Variants in PI4KA observed in about 807,000 individuals in gnomAD.
PI4KA encodes phosphatidylinositol 4-kinase alpha.
A neutral mutation model predicts 271.4 loss-of-function variants in PI4KA; 122 were observed. That is an observed-to-expected ratio of 0.45 (90% CI 0.39 to 0.52). The LOEUF (loss-of-function observed/expected upper bound fraction) is 0.52, where lower values mean the gene tolerates loss of function less well. PI4KA is among the 20% of genes least tolerant of loss of function. The pLI, the probability that PI4KA is intolerant of heterozygous loss-of-function variation, is 0.00. For synonymous variants in PI4KA, 1,041 were observed against 1,078.8 expected (o/e 0.96, Z 0.69); for missense variants, 1,969 against 2,769.1 (o/e 0.71, Z 6.48).
intron 19 of PI4KA, among the ~76,000 whole-genome samples, chr22:20,775,291 A>T (rs1183105122): frequency 6.6e-6 from 1 of 152,248 alleles, no homozygotes; most frequent in African/African-American, 2.4e-5. Flanking sequence ...ACCTAGTGAT[A>T]GTTTTTAAAC....
chr22:20,741,204 T>C (rs1313567844), intron 32 of PI4KA, among the ~76,000 whole-genome samples: 2 of 152,222 alleles, frequency 1.3e-5, no homozygotes, highest in African/African-American at 4.8e-5. Context: ...GGTATACAGC[T>C]GTCTCTGCAG....
At chr22:20,772,361 T>C (rs1932913571) in intron 19 of PI4KA, among the ~76,000 whole-genome samples, 1 of 152,164 alleles carries the variant, frequency 6.6e-6, no homozygotes, top group Non-Finnish European at 1.5e-5. Context: ...GGGCTTTGCA[T>C]GTGTGAGAAC....
At chr22:20,819,381 G>C (rs1922291607) in intron 6 of PI4KA, among the ~76,000 whole-genome samples, 1 of 150,584 alleles carries the variant, frequency 6.6e-6, no homozygotes, top group Non-Finnish European at 1.5e-5. Flanking sequence ...ATGGCGATAA[G>C]GCTTTTTTTT....
chr22:20,820,303 TG>T (rs1922472949), intron 5 of PI4KA, among the ~76,000 whole-genome samples: 1 of 152,116 alleles, frequency 6.6e-6, no homozygotes, highest in Admixed American at 6.5e-5. Context: ...GTGAAGAAAC[TG>T]GGGCCCAGAA....
At chr22:20,852,999 G>T (rs922251140) in intron 1 of PI4KA, among the ~76,000 whole-genome samples, 1 of 152,124 alleles carries the variant, frequency 6.6e-6, no homozygotes, top group Non-Finnish European at 1.5e-5. Flanking sequence ...CACTTTGGGC[G>T]GCCAAGAAAA....
At chr22:20,807,480 AT>A (rs1429756861) in intron 9 of PI4KA, 22 bp from the exon 10 acceptor site, 14 of 1,416,916 alleles carry the variant, frequency 9.9e-6, no homozygotes, top group Non-Finnish European at 1.2e-5. Flanking sequence ...GCAGACACAC[AT>A]GACTATAGAA....
At chr22:20,720,025 CAAAAAAAAAAAA>C (rs869149471) in intron 43 of PI4KA, among the ~76,000 whole-genome samples, 1 of 35,386 alleles carries the variant, frequency 2.8e-5, no homozygotes, top group Non-Finnish European at 5.8e-5. Context: ...GACTCTGTCT[CAAAAAAAAAAAA>C]AAAAAAAAAA....
intron 23 of PI4KA, among the ~76,000 whole-genome samples, chr22:20,753,494 C>T (rs1427235791): frequency 6.6e-6 from 1 of 152,216 alleles, no homozygotes; most frequent in Non-Finnish European, 1.5e-5. Flanking sequence ...GGCATTTAAT[C>T]TGTGTCTCCT....
intron 19 of PI4KA, among the ~76,000 whole-genome samples, chr22:20,783,435 TAAAAAAAAA>T (rs362069): frequency 7.3e-6 from 1 of 136,068 alleles, no homozygotes; most frequent in African/African-American, 2.7e-5. Context: ...CATCTACAAT[TAAAAAAAAA>T]AAAAAAAAGA....
chr22:20,790,036 A>C (rs958653224), intron 19 of PI4KA, among the ~76,000 whole-genome samples: 1 of 152,276 alleles, frequency 6.6e-6, no homozygotes, highest in Admixed American at 6.5e-5. Context: ...TAAGTCTCTA[A>C]GCATTAGATA....
chr22:20,752,042 C>T (rs1390786833), intron 25 of PI4KA, among the ~76,000 whole-genome samples: 1 of 152,224 alleles, frequency 6.6e-6, no homozygotes, highest in East Asian at 1.9e-4. Context: ...ACACCCCTCA[C>T]TTTCCAAAGC....
chr22:20,801,261 G>A (rs913980460), intron 14 of PI4KA, among the ~76,000 whole-genome samples: 4 of 151,898 alleles, frequency 2.6e-5, no homozygotes, highest in African/African-American at 9.7e-5. Context: ...ATCAAGTGTA[G>A]GTTTAAAATA....
intron 32 of PI4KA, among the ~76,000 whole-genome samples, chr22:20,736,162 C>T (rs1928694560): frequency 6.6e-6 from 1 of 152,042 alleles, no homozygotes; most frequent in Non-Finnish European, 1.5e-5. Flanking sequence ...CTGAGATGAG[C>T]CCTGGAGGAG....
intron 19 of PI4KA, among the ~76,000 whole-genome samples, chr22:20,772,242 C>T (rs944761113): frequency 6.6e-5 from 10 of 152,226 alleles, no homozygotes; most frequent in African/African-American, 2.4e-4. Context: ...TGGCTGGTGA[C>T]GCCTCGGTGA....
chr22:20,740,879 A>G (rs940833842), intron 32 of PI4KA, among the ~76,000 whole-genome samples: 1 of 152,256 alleles, frequency 6.6e-6, no homozygotes, highest in African/African-American at 2.4e-5. Context: ...ATCCATATGC[A>G]TCAAAGATGA....
chr22:20,788,343 T>C lies in PI4KA; in HGVS notation c.2328+4850A>G, dbSNP rs117936545. Among the ~76,000 whole-genome samples, 64 of 152,176 alleles carry C rather than the reference T, an allele frequency of 4.2e-4. No homozygotes were observed. In the East Asian group the frequency reaches 0.011, roughly 27 times the overall value. ...TCTGACCCCATGAGACCAATACCAG[T>C]AAGAAGAGTGGTAAAAGGGAGTAGG... On this transcript the variant is annotated intron_variant, in intron 19 of 54. Transcript: ENST00000255882.
intron 19 of PI4KA, among the ~76,000 whole-genome samples, chr22:20,786,575 C>T (rs923807378): frequency 6.6e-6 from 1 of 152,220 alleles, no homozygotes; most frequent in Non-Finnish European, 1.5e-5. Context: ...AGTTCCCCAT[C>T]CCGGAGAAGT....
chr22:20,719,840 C>T (rs541156485), intron 43 of PI4KA, among the ~76,000 whole-genome samples: 1 of 151,978 alleles, frequency 6.6e-6, no homozygotes, highest in Non-Finnish European at 1.5e-5. Flanking sequence ...TCCTGGCTAA[C>T]ATGGTGAAAC....
intron 1 of PI4KA, among the ~76,000 whole-genome samples, chr22:20,841,607 G>A (rs952256213): frequency 1.3e-5 from 2 of 152,278 alleles, no homozygotes; most frequent in East Asian, 3.9e-4. Flanking sequence ...GCACTACACT[G>A]GCATGTCAGG....
Sources: allele counts gnomAD v4.1 joint callset (sites outside exome capture counted in the v4.1 genomes callset), GRCh38; gene constraint gnomAD v4.1.1; transcripts MANE v1.5; gene names NCBI Gene and HGNC (gene_info 2026-07-23, HGNC 2026-07-21).